RAB3IP: variants seen among roughly 807,000 people sequenced by gnomAD.
RAB3IP encodes the protein RAB3A interacting protein, also known as rab-3A-interacting protein.
RAB3IP carries 36 observed loss-of-function variants against 59.1 expected under a neutral mutation model. The observed-to-expected ratio is 0.61, with a 90% CI of 0.47 to 0.80. The LOEUF is 0.80. RAB3IP is among the 30% of genes least tolerant of loss of function. RAB3IP has a pLI of 0.00. For synonymous variants in RAB3IP, 207 were observed against 191.2 expected, an observed-to-expected ratio of 1.08 and a Z score of -0.68; for missense variants, 511 against 536.0, an observed-to-expected ratio of 0.95 and a Z score of 0.46.
At chr12:69,773,399 CTTTTTTTTTTTT>C (rs71437123) in intron 3 of RAB3IP, among the ~76,000 whole-genome samples, 3 of 48,004 alleles carry the variant, frequency 6.2e-5, no homozygotes, top group African/African-American at 1.6e-4. Flanking sequence ...ATTTGTCTTT[CTTTTTTTTTTTT>C]TTTTTTTTTT....
intron 10 of RAB3IP, 31 bp from the exon 11 acceptor site, chr12:69,815,333 A>T: frequency 1.4e-6 from 2 of 1,452,526 alleles, no homozygotes; most frequent in Non-Finnish European, 1.9e-6. Context: ...GTATTTTATG[A>T]TTTAAATATC....
chr12:69,771,457 G>T (rs1873099689), intron 3 of RAB3IP, among the ~76,000 whole-genome samples: 1 of 151,804 alleles, frequency 6.6e-6, no homozygotes, highest in South Asian at 2.1e-4. Flanking sequence ...AGCTTCTGTG[G>T]TTGAGGCTGC....
chr12:69,753,577 G>C (rs1869685945), intron 1 of RAB3IP, among the ~76,000 whole-genome samples: 3 of 152,080 alleles, frequency 2.0e-5, no homozygotes, highest in Non-Finnish European at 4.4e-5. Flanking sequence ...TCGAACTTCT[G>C]ATCTCAAGTA....
At chr12:69,775,286 TG>T (rs1565895267) in intron 3 of RAB3IP, among the ~76,000 whole-genome samples, 1 of 118,064 alleles carries the variant, frequency 8.5e-6, no homozygotes, top group Non-Finnish European at 1.7e-5. Flanking sequence ...TTGCTGAAGT[TG>T]CTTATCAGCT....
chr12:69,771,321 A>C (rs185064207), intron 3 of RAB3IP, among the ~76,000 whole-genome samples: 31 of 152,314 alleles, frequency 2.0e-4, no homozygotes, highest in African/African-American at 7.2e-4. Flanking sequence ...GCTTGACCAC[A>C]GGCCTTCAAG....
rs148997192 is a variant in RAB3IP at position 69,790,641 on chromosome 12, A to G, written c.607-3796A>G. Among the ~76,000 whole-genome samples the G allele has an allele frequency of 5.0e-3, 758 of 152,038 alleles. 4 individuals carry two copies. The highest frequency in any genetic ancestry group is 7.4e-3 in the Non-Finnish European group (500 of 67,966). The stretch of plus-strand genomic sequence containing the variant: ...GCTCTGTTGCCTAGGCTGGAGTGCA[A>G]TGGTGCGATCTTGATTCACTATAAC... On this transcript the variant is annotated intron_variant, in intron 4 of 10. Transcript: ENST00000247833.
intron 8 of RAB3IP, among the ~76,000 whole-genome samples, chr12:69,807,553 G>A (rs1879622193): frequency 1.4e-5 from 2 of 143,600 alleles, no homozygotes; most frequent in African/African-American, 2.6e-5. Flanking sequence ...GGGCAGAGAC[G>A]CTCCTCACCT....
chr12:69,754,433 CAA>C (rs548313459), intron 1 of RAB3IP, among the ~76,000 whole-genome samples: 37 of 152,004 alleles, frequency 2.4e-4, no homozygotes, highest in African/African-American at 8.9e-4. Context: ...TTAAATGACT[CAA>C]AAATATTAAC....
chr12:69,807,875 C>T (rs11177869), intron 8 of RAB3IP, among the ~76,000 whole-genome samples: 15,840 of 143,420 alleles, frequency 0.11, 1,100 homozygotes, highest in Middle Eastern at 0.18. Flanking sequence ...ACGGGGCGGC[C>T]GGGCGGAGAC....
At position 69,818,461 on chromosome 12, in the gene RAB3IP, A is replaced by G. The variant is rs1241137325; in HGVS notation, c.*3015A>G. ...TAAGATCATACCTTAAAAAAAAAAA[A>G]AAAGTATACCCATGGGTCAGCAATT... On this transcript the variant is annotated 3_prime_UTR_variant, in exon 11 of 11. Coordinates refer to ENST00000247833, the MANE Select transcript of RAB3IP (RefSeq NM_022456.5). 6.6e-6 allele frequency: 1 copy of G among 152,080 alleles called. No homozygotes were observed. Among genetic ancestry groups the G allele is most frequent in the Non-Finnish European group, 1.5e-5 (1 of 68,030 alleles). The allele number at this position is 152,080 out of a possible 1,614,324, so 9.4% of individuals were successfully genotyped here.
rs1491105719 is a variant in RAB3IP, at chr12:69,817,652, TTA to T, written c.*2207_*2208del. The T allele has an allele frequency of 4.5e-5, 1 of 22,304 alleles. No individual in the cohort carries two copies. The highest frequency in any genetic ancestry group is 1.7e-4 in the African/African-American group (1 of 5,902). The allele number at this position is 22,304 out of a possible 1,614,324, so 1.4% of individuals were successfully genotyped here. A position where few individuals can be genotyped will look rare whatever the true frequency, so the allele number is the denominator to read the frequency against. ...CCTGGGAAAAATAGGGAAACTCCAT[TTA>T]CACACACACACACACACACACACAC... is the stretch of plus-strand genomic sequence containing the variant. On this transcript the variant is annotated 3_prime_UTR_variant, in exon 11 of 11. Coordinates refer to ENST00000247833, the MANE Select transcript of RAB3IP (RefSeq NM_022456.5).
chr12:69,772,286 C>T (rs902737482), intron 3 of RAB3IP, among the ~76,000 whole-genome samples: 11 of 152,134 alleles, frequency 7.2e-5, no homozygotes, highest in Non-Finnish European at 1.2e-4. Context: ...CTTTCAGTCT[C>T]TGTATGTCCT....
intron 3 of RAB3IP, among the ~76,000 whole-genome samples, chr12:69,766,706 A>T (rs1345337595): frequency 6.6e-6 from 1 of 150,908 alleles, no homozygotes; most frequent in African/African-American, 2.4e-5. Context: ...TTGTATTTTC[A>T]GTTGAGATGG....
At chr12:69,759,634 G>A (rs868182336) in intron 3 of RAB3IP, among the ~76,000 whole-genome samples, 180 of 141,760 alleles carry the variant, frequency 1.3e-3, no homozygotes, top group African/African-American at 4.4e-3. Context: ...CCTCCTGGAC[G>A]GGGCGGCTGG....
At chr12:69,801,550 A>G (rs1878374676) in intron 7 of RAB3IP, 59 bp from the exon 8 acceptor site, 5 of 1,064,800 alleles carry the variant, frequency 4.7e-6, no homozygotes, top group Non-Finnish European at 6.8e-6. Context: ...TTACTGTAGA[A>G]TACAATTTTG....
At chr12:69,741,851 T>A (rs959962669) in intron 1 of RAB3IP, among the ~76,000 whole-genome samples, 2 of 152,222 alleles carry the variant, frequency 1.3e-5, no homozygotes, top group African/African-American at 4.8e-5. Flanking sequence ...ATCACTTCTT[T>A]ATGTGTAGCT....
chr12:69,807,997 A>G (rs1879754069), intron 8 of RAB3IP, among the ~76,000 whole-genome samples: 1 of 152,212 alleles, frequency 6.6e-6, no homozygotes, highest in African/African-American at 2.4e-5. Flanking sequence ...TGTCAATTTT[A>G]GATCTTTCCT....
chr12:69,793,287 C>G lies in RAB3IP; in HGVS notation c.607-1150C>G, dbSNP rs529069426. Among the ~76,000 whole-genome samples the G allele has an allele frequency of 2.6e-5, 4 of 152,282 alleles. No individual in the cohort carries two copies. The South Asian group carries it at 8.3e-4, about 32-fold the overall frequency. On this transcript the variant is annotated intron_variant, in intron 4 of 10. Transcript: ENST00000247833. ...CTAGTATAAGCTGCAAATTCACATT[C>G]ATGGGCACACACAAACTGCAGTGTT...
chr12:69,747,329 TGTGA>T (rs1555216675), intron 1 of RAB3IP, among the ~76,000 whole-genome samples: 348 of 91,922 alleles, frequency 3.8e-3, no homozygotes, highest in African/African-American at 6.7e-3. Context: ...TGTGTGTGTG[TGTGA>T]GAGAGAGAGA....
Sources: allele counts gnomAD v4.1 joint callset (sites outside exome capture counted in the v4.1 genomes callset), GRCh38; gene constraint gnomAD v4.1.1; transcripts MANE v1.5; gene names NCBI Gene and HGNC (gene_info 2026-07-23, HGNC 2026-07-21).